Variants in ANKMY2 observed in about 807,000 individuals in gnomAD.
ANKMY2 encodes ankyrin repeat and MYND domain containing 2.
Under a neutral mutation model 50.4 loss-of-function variants are expected in ANKMY2, and 36 were observed. The observed-to-expected ratio is 0.71, with a 90% CI of 0.55 to 0.94. The LOEUF is 0.94. Among genes scored for constraint, ANKMY2 ranks in the 40% least tolerant of loss-of-function variants. The probability of loss-of-function intolerance (pLI) is 0.00; values close to 1 mark genes in which losing one functional copy is unlikely to be tolerated. For missense variants in ANKMY2, 565 were observed against 524.0 expected, an observed-to-expected ratio of 1.08 and a Z score of -0.76; for synonymous variants, 187 against 178.8, an observed-to-expected ratio of 1.05 and a Z score of -0.36.
chr7:16,645,671 G>C lies in ANKMY2; in HGVS notation c.-98C>G. 2.2e-6 allele frequency: 3 copies of C among 1,360,480 alleles called. No homozygotes were observed. The highest frequency in any genetic ancestry group is 2.7e-5 in the South Asian group (2 of 74,424). 84.3% of individuals were successfully genotyped at this position (1,360,480 alleles called of 1,614,324 possible). On this transcript the variant is annotated 5_prime_UTR_variant, in exon 1 of 10. Coordinates refer to ENST00000306999, the MANE Select transcript of ANKMY2 (RefSeq NM_020319.3). ...AACGCCAGCCGCAATGAGGCAACTT[G>C]AGACCAAGACACTGAGTAGCCAACC...
Position 16,615,760 on chromosome 7 carries a change from T to C in ANKMY2, c.515A>G (p.Asn172Ser), listed in dbSNP as rs1781334507. The C allele has an allele frequency of 1.2e-6, 2 of 1,614,052 alleles. No individual in the cohort carries two copies. Among genetic ancestry groups the C allele is most frequent in the East Asian group, 2.2e-5 (1 of 44,892 alleles). ...CCACACTACCTTGACAGGATGAAGATTCGTTGTGGTGATAATTTTGTGCAG... is the reference window on the plus strand; with the variant it reads ...CCACACTACCTTGACAGGATGAAGACTCGTTGTGGTGATAATTTTGTGCAG... The part of the protein sequence containing the change: ...GPLHKIITTT[N>S]LHPVKIVMLV... Residue 172 changes from asparagine (N) to serine (S), a missense_variant, in exon 5 of 10, where the codon AAT (asparagine) becomes AGT (serine). Asn to Ser is a conservative substitution (Grantham distance 46). Transcript: ENST00000306999.
chr7:16,639,998 A>G (rs1340569307), intron 1 of ANKMY2, among the ~76,000 whole-genome samples: 1 of 135,322 alleles, frequency 7.4e-6, no homozygotes, highest in Non-Finnish European at 1.5e-5. Flanking sequence ...CATCTCTACT[A>G]AAAAAAAAAA....
intron 9 of ANKMY2, among the ~76,000 whole-genome samples, 192 bp downstream of exon 9, chr7:16,602,188 C>A (rs1781078401): frequency 6.6e-6 from 1 of 152,120 alleles, no homozygotes; most frequent in African/African-American, 2.4e-5. Context: ...TCTCTGTTTT[C>A]CAGTGATGTC....
intron 3 of ANKMY2, among the ~76,000 whole-genome samples, chr7:16,626,666 G>A (rs914125488): frequency 6.6e-6 from 1 of 152,118 alleles, no homozygotes; most frequent in Admixed American, 6.6e-5. Context: ...TGCCAGTGAG[G>A]CAAACAGACG....
At chr7:16,641,363 A>G (rs1562468422) in intron 1 of ANKMY2, among the ~76,000 whole-genome samples, 1 of 152,242 alleles carries the variant, frequency 6.6e-6, no homozygotes, top group East Asian at 1.9e-4. Flanking sequence ...TTGTAAAAAA[A>G]TGATCTTAAA....
At chr7:16,609,930 G>C (rs112866466) in intron 6 of ANKMY2, among the ~76,000 whole-genome samples, 165 bp from the exon 7 acceptor site, 35 of 152,274 alleles carry the variant, frequency 2.3e-4, no homozygotes, top group African/African-American at 8.4e-4. Flanking sequence ...CTATATGTTA[G>C]GCTAGGCCTT....
rs533917087 is a variant in ANKMY2 at position 16,607,037 on chromosome 7, G to C, written c.883-2188C>G. On this transcript the variant is annotated intron_variant, in intron 7 of 9. Transcript: ENST00000306999. ...CCATCGTATGCGGGGAAAAGGTTGG[G>C]CATCACTTCAGAGGGTTAGAACTTG... Among the ~76,000 whole-genome samples, 188 of 152,246 alleles carry C rather than the reference G, an allele frequency of 1.2e-3. 1 individual carries two copies. The highest frequency in any genetic ancestry group is 4.4e-3 in the African/African-American group (181 of 41,538).
chr7:16,615,741 T>TTC lies in ANKMY2; in HGVS notation c.531+2_531+3insGA. On this transcript the variant is annotated splice_region_variant and intron_variant, in intron 5 of 9. Coordinates refer to ENST00000306999, the MANE Select transcript of ANKMY2 (RefSeq NM_020319.3). ...AAAGCAAATACGGTAGACACCACAC[T>TTC]ACCTTGACAGGATGAAGATTCGTTG... 6.2e-7 allele frequency: 1 copy of TTC among 1,614,116 alleles called. No homozygotes were observed.
Position 16,602,368 on chromosome 7 carries a change from T to C in ANKMY2, c.1141+12A>G, listed in dbSNP as rs1781081478. 1 of 1,609,540 alleles carries C rather than the reference T, an allele frequency of 6.2e-7. No homozygotes were observed. The highest frequency in any genetic ancestry group is 8.5e-7 in the Non-Finnish European group (1 of 1,178,952). On this transcript the variant is annotated intron_variant, in intron 9 of 9. Transcript: ENST00000306999. ...CTAAAAAGCAGAGTGAACTCGGTTTTTATATACATACGGTTTTCCTCTTGT... is the reference window on the plus strand; with the variant it reads ...CTAAAAAGCAGAGTGAACTCGGTTTCTATATACATACGGTTTTCCTCTTGT...
intron 4 of ANKMY2, 58 bp downstream of exon 4, chr7:16,624,925 T>G (rs1781489203): frequency 4.7e-6 from 7 of 1,499,546 alleles, no homozygotes; most frequent in Non-Finnish European, 6.4e-6. Flanking sequence ...AAGTGGGTTT[T>G]TTTTCCACAA....
chr7:16,604,831 A>T lies in ANKMY2; in HGVS notation c.901T>A (p.Phe301Ile), dbSNP rs1162668451. The T allele has an allele frequency of 3.1e-6, 5 of 1,613,502 alleles. No individual in the cohort carries two copies. The highest frequency in any genetic ancestry group is 4.2e-6 in the Non-Finnish European group (5 of 1,179,768). Residue 301 changes from phenylalanine (F) to isoleucine (I), a missense_variant, in exon 8 of 10, where the codon TTC becomes ATC. Physicochemically the swap from Phe to Ile is conservative, Grantham distance 21. Coordinates refer to ENST00000306999, the MANE Select transcript of ANKMY2 (RefSeq NM_020319.3). ...GTGATGGCTTGGGTAAGGACGGAGA[A>T]TGCAGTGGGATCAGAACCCTAGAGT... ...PVEIGSDPTA[F>I]SVLTQAITGQ...
chr7:16,631,826 G>A (rs1175362911), intron 2 of ANKMY2, among the ~76,000 whole-genome samples: 2 of 151,994 alleles, frequency 1.3e-5, no homozygotes, highest in African/African-American at 2.4e-5. Flanking sequence ...TGTTGGCCAG[G>A]CTGGTCTCGA....
At chr7:16,633,116 A>C (rs530199678) in intron 2 of ANKMY2, among the ~76,000 whole-genome samples, 1 of 151,292 alleles carries the variant, frequency 6.6e-6, no homozygotes, top group South Asian at 2.1e-4. Context: ...TTTATTATTG[A>C]GTTGTAGAAG....
At chr7:16,611,949 C>T (rs549253152) in intron 5 of ANKMY2, among the ~76,000 whole-genome samples, 19 of 152,300 alleles carry the variant, frequency 1.2e-4, no homozygotes, top group African/African-American at 4.3e-4. Context: ...CCCTGCACTG[C>T]GTCTCCTATT....
intron 1 of ANKMY2, among the ~76,000 whole-genome samples, chr7:16,642,872 T>G (rs1307705511): frequency 6.6e-6 from 1 of 152,210 alleles, no homozygotes; most frequent in Admixed American, 6.5e-5. Context: ...TTGTATGGAC[T>G]GCTATGGTAC....
At chr7:16,640,866 G>A (rs1781736017) in intron 1 of ANKMY2, among the ~76,000 whole-genome samples, 1 of 152,024 alleles carries the variant, frequency 6.6e-6, no homozygotes, top group African/African-American at 2.4e-5. Context: ...CACGAAAACG[G>A]ATATTTTAAG....
intron 4 of ANKMY2, 92 bp downstream of exon 4, chr7:16,624,891 A>G (rs1781488816): frequency 9.4e-7 from 1 of 1,066,928 alleles, no homozygotes. Context: ...AAGCAACATG[A>G]TAATATTTTC....
chr7:16,632,953 T>A (rs575228242), intron 2 of ANKMY2, among the ~76,000 whole-genome samples: 27 of 152,328 alleles, frequency 1.8e-4, no homozygotes, highest in African/African-American at 6.5e-4. Context: ...CTGGTGGATA[T>A]GAAGTGGTAT....
chr7:16,636,371 T>C lies in ANKMY2; in HGVS notation c.132+20A>G. 1.3e-6 allele frequency: 2 copies of C among 1,517,376 alleles called. No individual in the cohort carries two copies. Among genetic ancestry groups the C allele is most frequent in the Non-Finnish European group, 1.8e-6 (2 of 1,119,040 alleles). The allele number at this position is 1,517,376 out of a possible 1,614,324, so 94.0% of individuals were successfully genotyped here. A position where few individuals can be genotyped will look rare whatever the true frequency, so the allele number is the denominator to read the frequency against. The stretch of plus-strand genomic sequence containing the variant: ...TTCTTATAGGAAGTAAAATCCTTTA[T>C]TAAACTTCTAAAATCTTACCTCGTC... On this transcript the variant is annotated intron_variant, in intron 2 of 9. Transcript: ENST00000306999.
Sources: gnomAD v4.1 joint callset for allele counts (sites outside exome capture counted in the v4.1 genomes callset) on GRCh38, gnomAD v4.1.1 for gene constraint, MANE v1.5 for transcripts, NCBI Gene and HGNC (gene_info 2026-07-23, HGNC 2026-07-21) for gene names.